Variants in EPHA5 observed in about 807,000 individuals in gnomAD.
The protein encoded by EPHA5 is EPH receptor A5.
A neutral mutation model predicts 105.0 loss-of-function variants in EPHA5; 60 were observed. That is an observed-to-expected ratio of 0.57 (90% CI 0.46 to 0.71). The LOEUF (loss-of-function observed/expected upper bound fraction) is 0.71. EPHA5 is among the 30% of genes least tolerant of loss of function. The pLI is 0.00. For missense variants in EPHA5, 1,218 were observed against 1,274.7 expected, an observed-to-expected ratio of 0.96 and a Z score of 0.68; for synonymous variants, 513 against 449.1, an observed-to-expected ratio of 1.14 and a Z score of -1.80.
intron 3 of EPHA5, among the ~76,000 whole-genome samples, chr4:65,521,558 AG>A (rs2149281273): frequency 6.6e-6 from 1 of 152,122 alleles, no homozygotes; most frequent in African/African-American, 2.4e-5. Flanking sequence ...GTTATGTAAA[AG>A]TTTTTATTTT....
At chr4:65,562,180 C>G (rs1739078459) in intron 3 of EPHA5, among the ~76,000 whole-genome samples, 1 of 152,066 alleles carries the variant, frequency 6.6e-6, no homozygotes, top group African/African-American at 2.4e-5. Context: ...AATCGGGTGG[C>G]ATTTCTCAAC....
chr4:65,389,772 G>A (rs1720518885), intron 8 of EPHA5, among the ~76,000 whole-genome samples: 1 of 151,954 alleles, frequency 6.6e-6, no homozygotes, highest in East Asian at 1.9e-4. Flanking sequence ...GTACTTGTGA[G>A]GTACATGGGA....
In EPHA5 at chr4:65,420,882, A is replaced by G. The variant is rs554749371; in HGVS notation, c.1403-317T>C. ...CCTGATTATTTTATGTATCTTCTAC[A>G]TTTCTAAAATGTATGAGCTCTATAT... On this transcript the variant is annotated intron_variant, in intron 5 of 16. Transcript: ENST00000613740. Among the ~76,000 whole-genome samples the G allele has an allele frequency of 2.0e-5, 3 of 152,124 alleles. No individual in the cohort carries two copies. In the East Asian group the frequency reaches 5.8e-4, roughly 29 times the overall value.
chr4:65,531,111 C>T (rs1735745671), intron 3 of EPHA5, among the ~76,000 whole-genome samples: 1 of 150,936 alleles, frequency 6.6e-6, no homozygotes, highest in African/African-American at 2.4e-5. Flanking sequence ...AATCTCGGCT[C>T]ACTGCAAGCT....
chr4:65,324,097 G>A lies in EPHA5; in HGVS notation c.*17C>T. On this transcript the variant is annotated 3_prime_UTR_variant, in exon 17 of 17. Coordinates refer to ENST00000613740, the MANE Select transcript of EPHA5 (RefSeq NM_001281766.3). The stretch of plus-strand genomic sequence containing the variant: ...AGTGCAGAATCATTCACTTGAAGAA[G>A]CGACATTTACATGAAGTTACAATGG... 1.9e-6 allele frequency: 3 copies of A among 1,552,078 alleles called. No individual in the cohort carries two copies. Among genetic ancestry groups the A allele is most frequent in the Non-Finnish European group, 2.7e-6 (3 of 1,125,782 alleles).
At chr4:65,451,580 T>C (rs1240839860) in intron 5 of EPHA5, among the ~76,000 whole-genome samples, 1 of 152,192 alleles carries the variant, frequency 6.6e-6, no homozygotes, top group South Asian at 2.1e-4. Context: ...GTCAAATATG[T>C]CCTTGAGCAG....
intron 3 of EPHA5, among the ~76,000 whole-genome samples, chr4:65,509,478 A>G (rs1353433600): frequency 6.6e-6 from 1 of 152,134 alleles, no homozygotes; most frequent in Non-Finnish European, 1.5e-5. Flanking sequence ...AAGAAAAAGG[A>G]AGCCAGGAAA....
At position 65,380,562 on chromosome 4, in the gene EPHA5, T is replaced by C. The variant is rs1320502472; in HGVS notation, c.1794-13138A>G. Reference sequence around the variant, plus strand: ...ACTTAAATTCTTAAACAAGAGATCATAGAATTGGATAATAAAAACACTAAG... The same window carrying C: ...ACTTAAATTCTTAAACAAGAGATCACAGAATTGGATAATAAAAACACTAAG... On this transcript the variant is annotated intron_variant, in intron 8 of 16. Coordinates refer to ENST00000613740, the MANE Select transcript of EPHA5 (RefSeq NM_001281766.3). Among the ~76,000 whole-genome samples, 3 of 151,630 alleles carry C rather than the reference T, an allele frequency of 2.0e-5. No homozygotes were observed. In the Admixed American group the frequency reaches 2.0e-4, roughly 10 times the overall value.
rs965920280 is a variant in EPHA5 at position 65,505,720 on chromosome 4, C to G, written c.911-10177G>C. 2.6e-5 allele frequency among the ~76,000 whole-genome samples: 4 copies of G among 152,160 alleles called. No individual in the cohort carries two copies. In the East Asian group the frequency reaches 7.7e-4, roughly 29 times the overall value. On this transcript the variant is annotated intron_variant, in intron 3 of 16. Transcript: ENST00000613740. The stretch of plus-strand genomic sequence containing the variant: ...TTAATTGGCAAGCCCGAATTTATAC[C>G]TCTTTTCCATCTTCTCAAGCAAAAC...
At chr4:65,515,569 T>C (rs1256393337) in intron 3 of EPHA5, among the ~76,000 whole-genome samples, 1 of 152,180 alleles carries the variant, frequency 6.6e-6, no homozygotes, top group Non-Finnish European at 1.5e-5. Context: ...TGTACCTAAG[T>C]ATTTTATGGT....
intron 2 of EPHA5, among the ~76,000 whole-genome samples, chr4:65,612,091 C>G (rs1333487122): frequency 6.7e-6 from 1 of 149,938 alleles, no homozygotes; most frequent in South Asian, 2.1e-4. Context: ...CATCTACTGT[C>G]AGTACGTTGT....
chr4:65,561,581 A>G (rs1474890570), intron 3 of EPHA5, among the ~76,000 whole-genome samples: 1 of 152,112 alleles, frequency 6.6e-6, no homozygotes, highest in Non-Finnish European at 1.5e-5. Context: ...TTGCAAGTAC[A>G]TAAATGCAGG....
At chr4:65,579,358 G>GTATATATATATATA (rs71657189) in intron 3 of EPHA5, among the ~76,000 whole-genome samples, 14 of 142,784 alleles carry the variant, frequency 9.8e-5, no homozygotes, top group African/African-American at 3.6e-4. Flanking sequence ...ATGTATGTGT[G>GTATATATATATATA]TATATATATA....
At chr4:65,547,925 T>G (rs1393547634) in intron 3 of EPHA5, among the ~76,000 whole-genome samples, 1 of 152,032 alleles carries the variant, frequency 6.6e-6, no homozygotes, top group Admixed American at 6.6e-5. Flanking sequence ...GAAACTGGAC[T>G]GAGATGATCC....
chr4:65,592,379 A>G (rs1349223994), intron 3 of EPHA5, among the ~76,000 whole-genome samples: 3 of 152,140 alleles, frequency 2.0e-5, no homozygotes, highest in Non-Finnish European at 2.9e-5. Flanking sequence ...CTGGGAAACA[A>G]GGCAACTTGA....
At chr4:65,509,677 G>A (rs547817195) in intron 3 of EPHA5, among the ~76,000 whole-genome samples, 61 of 151,978 alleles carry the variant, frequency 4.0e-4, no homozygotes, top group African/African-American at 1.4e-3. Flanking sequence ...ACACTTTTGC[G>A]ACCCTATGAC....
intron 3 of EPHA5, among the ~76,000 whole-genome samples, chr4:65,567,101 G>T (rs1016850961): frequency 3.3e-5 from 5 of 151,560 alleles, no homozygotes; most frequent in African/African-American, 1.2e-4. Flanking sequence ...TTTCTGAAGT[G>T]CTGTAAAAGC....
At chr4:65,383,342 G>C (rs1719762637) in intron 8 of EPHA5, among the ~76,000 whole-genome samples, 2 of 151,260 alleles carry the variant, frequency 1.3e-5, no homozygotes, top group South Asian at 4.2e-4. Flanking sequence ...AATTATGAAA[G>C]GCCTGGACAT....
intron 13 of EPHA5, among the ~76,000 whole-genome samples, chr4:65,348,563 C>T (rs1227401215): frequency 6.7e-6 from 1 of 149,474 alleles, no homozygotes; most frequent in African/African-American, 2.5e-5. Context: ...CTGGGTGCTT[C>T]GTTTCTTTAA....
Sources: gnomAD v4.1 joint callset for allele counts (sites outside exome capture counted in the v4.1 genomes callset) on GRCh38, gnomAD v4.1.1 for gene constraint, MANE v1.5 for transcripts, NCBI Gene and HGNC (gene_info 2026-07-23, HGNC 2026-07-21) for gene names.